TMEM266: variants seen among roughly 807,000 people sequenced by gnomAD.
TMEM266 encodes transmembrane protein 266.
Under a neutral mutation model 50.5 loss-of-function variants are expected in TMEM266, and 33 were observed. The ratio of observed to expected loss-of-function variants is 0.65; its 90% confidence interval spans 0.50 to 0.87. The LOEUF is 0.87. Among genes scored for constraint, TMEM266 ranks in the 40% least tolerant of loss-of-function variants. TMEM266 has a pLI of 0.00. For missense variants in TMEM266, 655 were observed against 695.1 expected, an observed-to-expected ratio of 0.94 and a Z score of 0.65; for synonymous variants, 310 against 292.3, an observed-to-expected ratio of 1.06 and a Z score of -0.62.
intron 1 of TMEM266, among the ~76,000 whole-genome samples, chr15:76,124,845 C>T (rs1213729521): frequency 6.6e-6 from 1 of 151,912 alleles, no homozygotes; most frequent in Non-Finnish European, 1.5e-5. Flanking sequence ...AAAAAAAATT[C>T]CTAAAATTTG....
At chr15:76,154,059 A>G (rs1009658760) in intron 3 of TMEM266, among the ~76,000 whole-genome samples, 1 of 152,064 alleles carries the variant, frequency 6.6e-6, no homozygotes, top group Non-Finnish European at 1.5e-5. Context: ...CAGGGTTCCC[A>G]TGCATTCTCT....
At chr15:76,076,014 G>C (rs778112280) in intron 1 of TMEM266, among the ~76,000 whole-genome samples, 3 of 150,966 alleles carry the variant, frequency 2.0e-5, no homozygotes, top group Non-Finnish European at 4.4e-5. Flanking sequence ...ATACCACCAT[G>C]CCTGGCTAAT....
At chr15:76,087,544 A>G (rs1198321020) in intron 1 of TMEM266, among the ~76,000 whole-genome samples, 1 of 152,142 alleles carries the variant, frequency 6.6e-6, no homozygotes, top group African/African-American at 2.4e-5. Flanking sequence ...ACTAACAGCT[A>G]TGGGTCTGAG....
At chr15:76,064,118 T>A (rs933672398) in intron 1 of TMEM266, among the ~76,000 whole-genome samples, 1 of 152,206 alleles carries the variant, frequency 6.6e-6, no homozygotes, top group Non-Finnish European at 1.5e-5. Context: ...TCTGGATTCC[T>A]TCAGCCATCC....
rs2038262018 is a variant in TMEM266, at chr15:76,175,604, A to G, written c.698A>G (p.Gln233Arg). The change falls in exon 8 of 11, where the codon CAG (glutamine) becomes CGG (arginine). Residue 233 changes from glutamine (Q) to arginine (R), a missense_variant. Physicochemically the swap from Gln to Arg is conservative, Grantham distance 43. This residue lies in a region of TMEM266 where 101 missense variants were observed against 182.6 expected (regional missense o/e 0.55). Transcript: ENST00000388942. Reference protein sequence around the residue: ...IQQYEKAKVIQDEQLERLTQI... With the variant: ...IQQYEKAKVIRDEQLERLTQI... The stretch of plus-strand genomic sequence containing the variant: ...CTGGAGATGGAGATGGTTATCCAGC[A>G]GTACGAGAAGGCCAAGGTCATCCAA... The G allele has an allele frequency of 6.2e-7, 1 of 1,614,068 alleles. No homozygotes were observed.
At chr15:76,166,540 C>A (rs1311422181) in intron 5 of TMEM266, among the ~76,000 whole-genome samples, 15 of 152,226 alleles carry the variant, frequency 9.9e-5, no homozygotes, top group Non-Finnish European at 1.5e-5. Flanking sequence ...TGCTCTGGTT[C>A]ATAAAACCAT....
intron 1 of TMEM266, among the ~76,000 whole-genome samples, chr15:76,078,304 G>T (rs1166072986): frequency 3.9e-5 from 6 of 152,004 alleles, no homozygotes; most frequent in Admixed American, 3.9e-4. Flanking sequence ...GTTCTGACCC[G>T]GGGCCCCGGT....
intron 4 of TMEM266, 98 bp from the exon 5 acceptor site, chr15:76,159,997 C>T: frequency 8.4e-7 from 1 of 1,187,066 alleles, no homozygotes; most frequent in East Asian, 2.4e-5. Context: ...GCAGGCGGGC[C>T]CCGGGGTCCC....
Position 76,160,271 on chromosome 15 carries a change from G to T in TMEM266, c.456+103G>T. 1 of 1,179,232 alleles carries T rather than the reference G, an allele frequency of 8.5e-7. No individual in the cohort carries two copies. 73.0% of individuals were successfully genotyped at this position (1,179,232 alleles called of 1,614,324 possible). On this transcript the variant is annotated intron_variant, in intron 5 of 10. Transcript: ENST00000388942. The surrounding 1 kb of genome is among the most constrained non-coding windows in gnomAD (Gnocchi z 5.7). ...AATGGTTTCTAGCATCAGGTCCCCT[G>T]CTAGCCCTTGAGGCTGCTGGGAGGG...
chr15:76,090,940 G>A (rs1406832835), intron 1 of TMEM266, among the ~76,000 whole-genome samples: 2 of 152,122 alleles, frequency 1.3e-5, no homozygotes, highest in African/African-American at 4.8e-5. Flanking sequence ...ACAAAGAAAT[G>A]ATATATGTTT....
At chr15:76,195,589 T>C (rs1361580828) in intron 9 of TMEM266, among the ~76,000 whole-genome samples, 1 of 152,254 alleles carries the variant, frequency 6.6e-6, no homozygotes, top group Non-Finnish European at 1.5e-5. Flanking sequence ...AGGATCTTCC[T>C]CTGTGACAGC....
At chr15:76,107,154 T>G (rs1235404323) in intron 1 of TMEM266, among the ~76,000 whole-genome samples, 2 of 152,258 alleles carry the variant, frequency 1.3e-5, no homozygotes, top group African/African-American at 4.8e-5. Context: ...AAAATAATTT[T>G]AATATCTTTT....
chr15:76,183,596 G>C (rs1299543978), intron 8 of TMEM266, among the ~76,000 whole-genome samples: 2 of 152,190 alleles, frequency 1.3e-5, no homozygotes, highest in Non-Finnish European at 2.9e-5. Context: ...GATGCTGTCA[G>C]AAGTGGTCTT....
intron 1 of TMEM266, among the ~76,000 whole-genome samples, chr15:76,078,994 C>G (rs2036644626): frequency 6.6e-6 from 1 of 152,204 alleles, no homozygotes; most frequent in Admixed American, 6.5e-5. Flanking sequence ...TCTTCTCTGC[C>G]CCATCCATAA....
At chr15:76,099,105 T>C (rs1191189135) in intron 1 of TMEM266, among the ~76,000 whole-genome samples, 2 of 152,178 alleles carry the variant, frequency 1.3e-5, no homozygotes, top group Non-Finnish European at 2.9e-5. Context: ...TATCTCACTG[T>C]CGTTCCAGGC....
At chr15:76,066,296 G>A (rs138962978) in intron 1 of TMEM266, among the ~76,000 whole-genome samples, 3 of 152,252 alleles carry the variant, frequency 2.0e-5, no homozygotes, top group African/African-American at 7.2e-5. Flanking sequence ...CACAGGGAGA[G>A]TTACCCATGT....
intron 1 of TMEM266, among the ~76,000 whole-genome samples, chr15:76,101,483 G>A (rs1475583826): frequency 1.3e-5 from 2 of 152,228 alleles, no homozygotes; most frequent in Non-Finnish European, 2.9e-5. Context: ...AGATCCAGGA[G>A]GTAGACGCAA....
At chr15:76,189,067 C>G (rs1425027105) in intron 8 of TMEM266, among the ~76,000 whole-genome samples, 3 of 152,106 alleles carry the variant, frequency 2.0e-5, no homozygotes, top group Non-Finnish European at 2.9e-5. Context: ...GGGCATGTGC[C>G]TGTCGTCCCA....
At chr15:76,098,117 A>G (rs891276877) in intron 1 of TMEM266, among the ~76,000 whole-genome samples, 7 of 152,038 alleles carry the variant, frequency 4.6e-5, no homozygotes, top group African/African-American at 1.7e-4. Flanking sequence ...CATCAAACTC[A>G]TTCTCCATCC....
Sources: gnomAD v4.1 joint callset for allele counts (sites outside exome capture counted in the v4.1 genomes callset) on GRCh38, gnomAD v4.1.1 for gene constraint, gnomAD v4.1.1 regional missense constraint, Gnocchi (gnomAD v3.1) non-coding constraint, MANE v1.5 for transcripts, NCBI Gene and HGNC (gene_info 2026-07-23, HGNC 2026-07-21) for gene names.